ZNF286A: variants seen among roughly 807,000 people sequenced by gnomAD.
The protein encoded by ZNF286A is zinc finger protein ZNF286.
A neutral mutation model predicts 49.3 loss-of-function variants in ZNF286A; 34 were observed. That is an observed-to-expected ratio of 0.69 (90% confidence interval 0.52 to 0.92). The LOEUF (loss-of-function observed/expected upper bound fraction) is 0.92, where lower values mean the gene tolerates loss of function less well. Ranked by LOEUF, ZNF286A falls within the 40% of genes least tolerant of loss-of-function variation. The pLI is 0.00. For synonymous variants in ZNF286A, 155 were observed against 200.4 expected (o/e 0.77, Z 1.91); for missense variants, 462 against 600.2 (o/e 0.77, Z 2.41).
intron 5 of ZNF286A, chr17:15,711,377 G>A (rs187713168): frequency 5.9e-5 from 9 of 152,116 alleles, no homozygotes; most frequent in African/African-American, 2.2e-4. Flanking sequence ...TTACTTCTCT[G>A]AGTGTATCTT....
At chr17:15,711,058 T>C (rs540835453) in intron 5 of ZNF286A, among the ~76,000 whole-genome samples, 1 of 152,044 alleles carries the variant, frequency 6.6e-6, no homozygotes, top group Admixed American at 6.5e-5. Flanking sequence ...ATTACAGGCA[T>C]ACGCCACCAA....
At position 15,716,154 on chromosome 17, in the gene ZNF286A, C is replaced by A; in HGVS notation, c.430C>A (p.Arg144=). Residue 144 remains arginine, a synonymous_variant, in exon 6 of 6, where the codon CGG becomes AGG. Transcript: ENST00000583566. ...AGTTGCAATAATAGACAGACTGACA[C>A]GGAATAGTGTCTATGACTCTAACTT... ...CKVAIIDRLT[R]NSVYDSNLEA... is the part of the protein sequence containing the mutation. The A allele has an allele frequency of 6.2e-7, 1 of 1,613,768 alleles. No individual in the cohort carries two copies. Among genetic ancestry groups the A allele is most frequent in the Non-Finnish European group, 8.5e-7 (1 of 1,179,816 alleles).
chr17:15,717,562 T>A lies in ZNF286A; in HGVS notation c.*272T>A. 2.0e-6 allele frequency: 1 copy of A among 493,168 alleles called. No individual in the cohort carries two copies. The highest frequency in any genetic ancestry group is 3.4e-6 in the Non-Finnish European group (1 of 293,542). The allele number at this position is 493,168 out of a possible 1,614,324, so 30.5% of individuals were successfully genotyped here. On this transcript the variant is annotated 3_prime_UTR_variant, in exon 6 of 6. Transcript: ENST00000583566. The stretch of plus-strand genomic sequence containing the variant: ...AATTCAAGAAGTCCCTGAGAGTAGG[T>A]AGCAGTACGAACATTGTGAAATCCA...
chr17:15,715,579 G>T (rs1216897604), intron 5 of ZNF286A, among the ~76,000 whole-genome samples: 3 of 152,014 alleles, frequency 2.0e-5, no homozygotes, highest in African/African-American at 7.2e-5. Flanking sequence ...TCAGCAAAAT[G>T]TTATAAAAGC....
chr17:15,702,696 C>T (rs1431612769), intron 3 of ZNF286A, among the ~76,000 whole-genome samples: 1 of 152,194 alleles, frequency 6.6e-6, no homozygotes, highest in Non-Finnish European at 1.5e-5. Flanking sequence ...TTGCCTGTCT[C>T]CATTGGCTTC....
Position 15,716,417 on chromosome 17 carries a change from G to A in ZNF286A, c.693G>A (p.Met231Ile). The part of the protein sequence containing the change: ...EKSLKQKSNL[M>I]KKQRTYKEKK... ...GCTTGAAACAAAAATCAAACTTAAT[G>A]AAAAAGCAGAGAACTTATAAAGAGA... Residue 231 changes from methionine to isoleucine, a missense_variant, in exon 6 of 6, where the codon ATG becomes ATA. This residue lies in a region of ZNF286A where 259 missense variants were observed against 272.2 expected (regional missense o/e 0.95). Transcript: ENST00000583566. 1.9e-6 allele frequency: 3 copies of A among 1,612,906 alleles called. No homozygotes were observed. The highest frequency in any genetic ancestry group is 2.5e-6 in the Non-Finnish European group (3 of 1,179,628).
chr17:15,706,443 G>C lies in ZNF286A; in HGVS notation c.183G>C (p.Lys61Asn). ...ACTTTACACCAGAGGAGTGGGGGAA[G>C]CTGGATCCTGCACAAAGGGATGTGA... ...AMDFTPEEWG[K>N]LDPAQRDVML... Residue 61 changes from lysine to asparagine, a missense_variant, in exon 4 of 6, where the codon AAG becomes AAC. Coordinates refer to ENST00000583566, the MANE Select transcript of ZNF286A (RefSeq NM_001130842.2). 1 of 1,613,916 alleles carries C rather than the reference G, an allele frequency of 6.2e-7. No homozygotes were observed. The highest frequency in any genetic ancestry group is 8.5e-7 in the Non-Finnish European group (1 of 1,179,936).
At chr17:15,708,569 A>C (rs957330355) in intron 5 of ZNF286A, 10 of 203,952 alleles carry the variant, frequency 4.9e-5, no homozygotes, top group African/African-American at 2.1e-4. Context: ...GCCCAAATCA[A>C]GAAAATAGCC....
intron 3 of ZNF286A, 117 bp from the exon 4 acceptor site, chr17:15,706,270 A>G: frequency 1.4e-6 from 1 of 730,054 alleles, no homozygotes; most frequent in South Asian, 1.6e-5. Flanking sequence ...GTCATTTATC[A>G]TAGTCAGTTC....
chr17:15,704,192 G>T, intron 3 of ZNF286A: 2 of 1,431,080 alleles, frequency 1.4e-6, no homozygotes, highest in Non-Finnish European at 1.9e-6. Flanking sequence ...GGAGGGGACA[G>T]GAGAGGTTGG....
intron 3 of ZNF286A, 82 bp downstream of exon 3, chr17:15,701,322 T>G: frequency 7.9e-7 from 1 of 1,273,086 alleles, no homozygotes; most frequent in Non-Finnish European, 1.1e-6. Flanking sequence ...TGGAGTTTCT[T>G]TATCCACTAA....
At chr17:15,713,607 C>T (rs1388903651) in intron 5 of ZNF286A, among the ~76,000 whole-genome samples, 1 of 151,596 alleles carries the variant, frequency 6.6e-6, no homozygotes, top group Admixed American at 6.6e-5. Context: ...AATCTGAAAC[C>T]ACATCCATAA....
At position 15,718,468 on chromosome 17, in the gene ZNF286A, T is replaced by A. The variant is rs1967198437; in HGVS notation, c.*1178T>A. ...TCAGCTTTCTGAAAGCTATGCTGTG[T>A]CCATTTGAGAAAAAGCCCCAGGGAT... On this transcript the variant is annotated 3_prime_UTR_variant, in exon 6 of 6. Transcript: ENST00000583566. 1 of 147,762 alleles carries A rather than the reference T, an allele frequency of 6.8e-6. No individual in the cohort carries two copies. Among genetic ancestry groups the A allele is most frequent in the Non-Finnish European group, 1.5e-5 (1 of 67,326 alleles). The allele number at this position is 147,762 out of a possible 1,614,324, so 9.2% of individuals were successfully genotyped here. A position where few individuals can be genotyped will look rare whatever the true frequency, so the allele number is the denominator to read the frequency against.
chr17:15,716,171 C>G lies in ZNF286A; in HGVS notation c.447C>G (p.Asp149Glu). The change falls in exon 6 of 6, where the codon GAC becomes GAG. Residue 149 changes from aspartate to glutamate, a missense_variant. Coordinates refer to ENST00000583566, the MANE Select transcript of ZNF286A (RefSeq NM_001130842.2). ...IDRLTRNSVY[D>E]SNLEAALECE... The stretch of plus-strand genomic sequence containing the variant: ...GACTGACACGGAATAGTGTCTATGA[C>G]TCTAACTTGGAAGCAGCCCTTGAAT... 6.2e-7 allele frequency: 1 copy of G among 1,613,862 alleles called. No individual in the cohort carries two copies. Among genetic ancestry groups the G allele is most frequent in the Non-Finnish European group, 8.5e-7 (1 of 1,179,824 alleles).
intron 5 of ZNF286A, among the ~76,000 whole-genome samples, chr17:15,712,276 CT>C: frequency 6.6e-6 from 1 of 152,328 alleles, no homozygotes; most frequent in Non-Finnish European, 1.5e-5. Context: ...AACTGATCAA[CT>C]GTTTGCAGCC....
intron 5 of ZNF286A, among the ~76,000 whole-genome samples, chr17:15,715,846 C>T (rs536991890): frequency 2.6e-5 from 4 of 152,234 alleles, no homozygotes; most frequent in East Asian, 1.9e-4. Context: ...TCTCCTCTTC[C>T]GACTCTCCTG....
chr17:15,704,420 G>A, intron 3 of ZNF286A: 1 of 1,606,716 alleles, frequency 6.2e-7, no homozygotes, highest in Admixed American at 1.7e-5. Context: ...CTGCCGCTGG[G>A]CCCGCCGGCG....
At chr17:15,704,526 G>A (rs1990053940) in intron 3 of ZNF286A, 22 of 1,613,958 alleles carry the variant, frequency 1.4e-5, no homozygotes, top group Non-Finnish European at 1.8e-5. Context: ...GTGCAGACTC[G>A]GGGTTAGGGT....
In ZNF286A at chr17:15,719,124, ACT is replaced by A. The variant is rs1567717381; in HGVS notation, c.*1835_*1836del. ...GATTTGGGTGGGGATACAGATCTAA[ACT>A]GTATCATTACTCAAAAAAAAAAAAA... is the stretch of plus-strand genomic sequence containing the variant. On this transcript the variant is annotated 3_prime_UTR_variant, in exon 6 of 6. Transcript: ENST00000583566. 4.4e-5 allele frequency: 4 copies of A among 90,034 alleles called. No homozygotes were observed. The highest frequency in any genetic ancestry group is 2.6e-4 in the African/African-American group (4 of 15,280). 5.6% of individuals were successfully genotyped at this position (90,034 alleles called of 1,614,324 possible).
Sources: allele counts gnomAD v4.1 joint callset (sites outside exome capture counted in the v4.1 genomes callset), GRCh38; gene constraint gnomAD v4.1.1; regional missense constraint gnomAD v4.1.1; transcripts MANE v1.5; gene names NCBI Gene and HGNC (gene_info 2026-07-23, HGNC 2026-07-21).